Variants in SPAG16 observed in about 807,000 individuals in gnomAD.
SPAG16 encodes sperm associated antigen 16, also known as sperm-associated antigen 16 protein.
In SPAG16, 86 loss-of-function variants were observed where a neutral mutation model predicts 80.4. The observed-to-expected ratio is 1.07, with a 90% CI of 0.90 to 1.28. The LOEUF is 1.28. SPAG16 is among the 50% of genes most tolerant of loss of function. The pLI is 0.00. For missense variants in SPAG16, 870 were observed against 765.3 expected (o/e 1.14, Z -1.61); for synonymous variants, 294 against 265.9 (o/e 1.11, Z -1.03).
chr2:214,021,074 T>C (rs919193719), intron 13 of SPAG16, among the ~76,000 whole-genome samples: 13 of 152,184 alleles, frequency 8.5e-5, no homozygotes, highest in African/African-American at 2.9e-4. Flanking sequence ...AAATGCCTAT[T>C]ATCACAAAAA....
chr2:214,026,086 GAA>G (rs1000478397), intron 13 of SPAG16, among the ~76,000 whole-genome samples: 14 of 151,280 alleles, frequency 9.3e-5, no homozygotes, highest in Non-Finnish European at 1.6e-4. Flanking sequence ...TTTAACAGTG[GAA>G]AAAAAGTAGA....
chr2:213,910,195 A>G (rs1301750008), intron 11 of SPAG16, among the ~76,000 whole-genome samples: 1 of 152,250 alleles, frequency 6.6e-6, no homozygotes, highest in Non-Finnish European at 1.5e-5. Context: ...AAATAGTTCT[A>G]TTGAATAGAT....
At chr2:214,091,186 C>A (rs2052173115) in intron 13 of SPAG16, among the ~76,000 whole-genome samples, 1 of 151,890 alleles carries the variant, frequency 6.6e-6, no homozygotes, top group South Asian at 2.1e-4. Context: ...TTTCCTTGTT[C>A]ATAATAATAA....
Position 213,488,325 on chromosome 2 carries a change from A to G in SPAG16, c.943-1638A>G, listed in dbSNP as rs138059754. 2.8e-3 allele frequency among the ~76,000 whole-genome samples: 428 copies of G among 152,286 alleles called. 2 individuals carry two copies. The highest frequency in any genetic ancestry group is 1.0e-2 in the African/African-American group (415 of 41,530). On this transcript the variant is annotated intron_variant, in intron 9 of 15. Coordinates refer to ENST00000331683, the MANE Select transcript of SPAG16 (RefSeq NM_024532.5). Reference sequence around the variant, plus strand: ...GTACTACATGACTGGCAGCAGTATAATTGGTACAGCTTTTCTAAAAAGCAG... The same window carrying G: ...GTACTACATGACTGGCAGCAGTATAGTTGGTACAGCTTTTCTAAAAAGCAG...
chr2:213,894,327 C>A (rs912456137), intron 11 of SPAG16, among the ~76,000 whole-genome samples: 33 of 152,020 alleles, frequency 2.2e-4, no homozygotes, highest in Non-Finnish European at 4.4e-5. Context: ...ATTAACATAA[C>A]CCAGAACAAA....
chr2:214,125,487 T>C (rs945996965), intron 14 of SPAG16, among the ~76,000 whole-genome samples: 2 of 151,648 alleles, frequency 1.3e-5, no homozygotes, highest in African/African-American at 4.8e-5. Context: ...TTCCATATCT[T>C]CAAAGAAATA....
At chr2:213,658,800 A>G (rs530589274) in intron 10 of SPAG16, among the ~76,000 whole-genome samples, 1 of 152,312 alleles carries the variant, frequency 6.6e-6, no homozygotes, top group Admixed American at 6.5e-5. Flanking sequence ...GCACTTTAGG[A>G]GGCCAAGGTG....
intron 12 of SPAG16, among the ~76,000 whole-genome samples, chr2:213,955,100 C>T (rs2044053157): frequency 6.6e-6 from 1 of 151,812 alleles, no homozygotes; most frequent in African/African-American, 2.4e-5. Flanking sequence ...TATTTTCTGG[C>T]TCGTCTGTTC....
intron 9 of SPAG16, among the ~76,000 whole-genome samples, chr2:213,376,972 C>T (rs2066910915): frequency 6.6e-6 from 1 of 152,020 alleles, no homozygotes; most frequent in Non-Finnish European, 1.5e-5. Context: ...CTCAGCTGCC[C>T]CTGTTATGTA....
At chr2:213,983,984 A>C (rs1182213302) in intron 12 of SPAG16, among the ~76,000 whole-genome samples, 2 of 152,100 alleles carry the variant, frequency 1.3e-5, no homozygotes, top group Admixed American at 1.3e-4. Flanking sequence ...AATGAGTGCA[A>C]ATAAAGAAGT....
intron 15 of SPAG16, among the ~76,000 whole-genome samples, chr2:214,219,780 A>G (rs914183540): frequency 1.6e-4 from 24 of 152,104 alleles, no homozygotes; most frequent in African/African-American, 5.5e-4. Context: ...AACTTATTCA[A>G]ATTTGCTCTC....
Position 214,355,760 on chromosome 2 carries a change from CTT to C in SPAG16, c.1721-54379_1721-54378del, listed in dbSNP as rs1272524508. ...GCGGCACTATTCACAATAGCAAAGA[CTT>C]GGAACTAACCCAAATGTCCAACAAC... On this transcript the variant is annotated intron_variant, in intron 15 of 15. Transcript: ENST00000331683. Among the ~76,000 whole-genome samples the C allele has an allele frequency of 4.6e-5, 7 of 152,056 alleles. No homozygotes were observed. In the East Asian group the frequency reaches 9.6e-4, roughly 21 times the overall value.
intron 10 of SPAG16, among the ~76,000 whole-genome samples, chr2:213,747,097 T>C (rs950444607): frequency 6.6e-6 from 1 of 152,212 alleles, no homozygotes; most frequent in African/African-American, 2.4e-5. Context: ...AAGACAGTGA[T>C]ATTGATGACC....
chr2:213,610,847 T>C (rs2061419941), intron 10 of SPAG16, among the ~76,000 whole-genome samples: 1 of 152,222 alleles, frequency 6.6e-6, no homozygotes, highest in African/African-American at 2.4e-5. Flanking sequence ...AATTACTATA[T>C]TTTGCAAGAA....
chr2:213,603,594 A>G (rs930162555), intron 10 of SPAG16, among the ~76,000 whole-genome samples: 4 of 152,236 alleles, frequency 2.6e-5, no homozygotes, highest in Non-Finnish European at 5.9e-5. Flanking sequence ...ATATCCACAT[A>G]GAACCATTTA....
chr2:213,746,643 CCAAAAATA>C (rs2125472300), intron 10 of SPAG16, among the ~76,000 whole-genome samples: 1 of 152,206 alleles, frequency 6.6e-6, no homozygotes, highest in African/African-American at 2.4e-5. Context: ...CCTGTCTCTA[CCAAAAATA>C]CAAAAATTAG....
chr2:213,856,701 G>A (rs1363899709), intron 10 of SPAG16, among the ~76,000 whole-genome samples: 3 of 152,194 alleles, frequency 2.0e-5, no homozygotes, highest in African/African-American at 7.2e-5. Flanking sequence ...AAAGGCCTGA[G>A]CTGTATGTTT....
chr2:214,293,045 G>A (rs911444578), intron 15 of SPAG16, among the ~76,000 whole-genome samples: 1 of 152,210 alleles, frequency 6.6e-6, no homozygotes, highest in Non-Finnish European at 1.5e-5. Flanking sequence ...AGTGGTGGTA[G>A]TGGTGGGCTA....
chr2:214,166,262 A>T (rs1434968257), intron 15 of SPAG16, among the ~76,000 whole-genome samples: 1 of 151,952 alleles, frequency 6.6e-6, no homozygotes, highest in Non-Finnish European at 1.5e-5. Context: ...CCATTCCTCC[A>T]CTCATCCATT....
Sources: gnomAD v4.1 joint callset for allele counts (sites outside exome capture counted in the v4.1 genomes callset) on GRCh38, gnomAD v4.1.1 for gene constraint, MANE v1.5 for transcripts, NCBI Gene and HGNC (gene_info 2026-07-23, HGNC 2026-07-21) for gene names.